Variants in HDAC5 observed in about 807,000 individuals in gnomAD.
HDAC5 encodes the protein histone deacetylase 5.
HDAC5 carries 25 observed loss-of-function variants against 133.3 expected under a neutral mutation model. The observed-to-expected ratio is 0.19, with a 90% CI of 0.14 to 0.26. The LOEUF is 0.26. Among genes scored for constraint, HDAC5 ranks in the 10% least tolerant of loss-of-function variants. HDAC5 has a pLI of 1.00. For missense variants in HDAC5, 1,041 were observed against 1,460.5 expected, an observed-to-expected ratio of 0.71 and a Z score of 4.68; for synonymous variants, 589 against 610.8, an observed-to-expected ratio of 0.96 and a Z score of 0.53.
intron 3 of HDAC5, among the ~76,000 whole-genome samples, chr17:44,108,463 C>CTGGAGG (rs2052110679): frequency 6.6e-6 from 1 of 152,156 alleles, no homozygotes; most frequent in Non-Finnish European, 1.5e-5. Context: ...AAAGATGCTG[C>CTGGAGG]TGGAGGTGGC....
chr17:44,091,598 G>A, intron 10 of HDAC5, 102 bp downstream of exon 10: 1 of 1,494,014 alleles, frequency 6.7e-7, no homozygotes, highest in Non-Finnish European at 9.0e-7. Flanking sequence ...AGGGCCAACA[G>A]ATCTCCCTTA....
chr17:44,077,178 C>T lies in HDAC5; in HGVS notation c.*1198G>A, dbSNP rs2050161034. 1 of 152,684 alleles carries T rather than the reference C, an allele frequency of 6.5e-6. No individual in the cohort carries two copies. Among genetic ancestry groups the T allele is most frequent in the South Asian group, 2.1e-4 (1 of 4,836 alleles). The allele number at this position is 152,684 out of a possible 1,614,324, so 9.5% of individuals were successfully genotyped here. On this transcript the variant is annotated 3_prime_UTR_variant, in exon 27 of 27. Transcript: ENST00000682912. ...AGTCAGCCCCCTAGGAGCCACTTCC[C>T]ATCTTTGGTTTCCTACAGGCTGGAT...
At chr17:44,098,061 G>T (rs1384921258) in intron 3 of HDAC5, among the ~76,000 whole-genome samples, 2 of 152,266 alleles carry the variant, frequency 1.3e-5, no homozygotes, top group African/African-American at 4.8e-5. Context: ...CAGGGACTGG[G>T]TGACATGCAG....
rs112903278 is a variant in HDAC5 at position 44,110,386 on chromosome 17, G to A, written c.94+343C>T. Among the ~76,000 whole-genome samples the A allele has an allele frequency of 1.4e-4, 21 of 152,302 alleles. 1 individual carries two copies. The highest frequency in any genetic ancestry group is 5.8e-4 in the East Asian group (3 of 5,176). ...CTTGGGGAGCGGGCAGCATGGAGGC[G>A]GGTCACTGACCCACTTCCTCCCCTC... On this transcript the variant is annotated intron_variant, in intron 3 of 26. Transcript: ENST00000682912.
chr17:44,094,343 A>G (rs2051124139), intron 3 of HDAC5, among the ~76,000 whole-genome samples: 1 of 150,378 alleles, frequency 6.6e-6, no homozygotes, highest in Non-Finnish European at 1.5e-5. Flanking sequence ...AAAACAAAAA[A>G]CAAAAAGGGG....
chr17:44,108,751 C>CAAAAAAAAA (rs773575696), intron 3 of HDAC5, among the ~76,000 whole-genome samples: 2 of 56,942 alleles, frequency 3.5e-5, no homozygotes, highest in African/African-American at 1.1e-4. Flanking sequence ...TTCCAGAGTC[C>CAAAAAAAAA]AAAAAAAAAA....
Position 44,078,676 on chromosome 17 carries a change from GAGAC to G in HDAC5, c.3164-15_3164-12del. 6.2e-7 allele frequency: 1 copy of G among 1,605,022 alleles called. No homozygotes were observed. The highest frequency in any genetic ancestry group is 8.5e-7 in the Non-Finnish European group (1 of 1,177,224). ...AGCTCCAGTGTTTGCCTGTGGACGAGAGACAGGCAAGGGGTCAGGGAGGGCAGAG... is the reference window on the plus strand; with the variant it reads ...AGCTCCAGTGTTTGCCTGTGGACGAGAGGCAAGGGGTCAGGGAGGGCAGAG... On this transcript the variant is annotated splice_polypyrimidine_tract_variant and intron_variant, in intron 25 of 26. Coordinates refer to ENST00000682912, the MANE Select transcript of HDAC5 (RefSeq NM_005474.5).
intron 1 of HDAC5, 192 bp downstream of exon 1, chr17:44,123,312 A>G (rs2053126978): frequency 3.1e-6 from 1 of 325,018 alleles, no homozygotes; most frequent in Non-Finnish European, 5.6e-6. Context: ...AGCAACCCCG[A>G]TGTCCCGCTC....
At chr17:44,119,563 C>A (rs1000553531) in intron 1 of HDAC5, among the ~76,000 whole-genome samples, 4 of 152,314 alleles carry the variant, frequency 2.6e-5, no homozygotes, top group African/African-American at 9.6e-5. Flanking sequence ...GACTCATCTA[C>A]GTCTACTCCT....
chr17:44,094,700 C>T (rs2051150856), intron 3 of HDAC5, among the ~76,000 whole-genome samples: 1 of 151,810 alleles, frequency 6.6e-6, no homozygotes, highest in African/African-American at 2.4e-5. Context: ...CTACTCGACG[C>T]ATTTTATGTA....
chr17:44,095,553 G>T (rs1451042688), intron 3 of HDAC5, among the ~76,000 whole-genome samples: 2 of 152,180 alleles, frequency 1.3e-5, no homozygotes, highest in African/African-American at 4.8e-5. Context: ...CTCGGGGAAA[G>T]GGGGTGCAGG....
chr17:44,097,693 C>T (rs895844066), intron 3 of HDAC5, among the ~76,000 whole-genome samples: 6 of 152,272 alleles, frequency 3.9e-5, no homozygotes, highest in African/African-American at 1.2e-4. Flanking sequence ...ACCTGCTGCT[C>T]CCGGCAATGC....
At chr17:44,083,421 T>G in intron 18 of HDAC5, 124 bp downstream of exon 18, 1 of 666,508 alleles carries the variant, frequency 1.5e-6, no homozygotes, top group Non-Finnish European at 2.6e-6. Context: ...CCCACCCTGG[T>G]GCCTGAGAGT....
At chr17:44,084,700 G>A (rs944043590) in intron 15 of HDAC5, 25 bp from the exon 16 acceptor site, 3 of 1,612,728 alleles carry the variant, frequency 1.9e-6, no homozygotes, top group Middle Eastern at 1.7e-4. Flanking sequence ...AGTAAGAGGG[G>A]TCACACAAAG....
At chr17:44,092,999 A>G in intron 6 of HDAC5, 93 bp downstream of exon 6, 1 of 882,262 alleles carries the variant, frequency 1.1e-6, no homozygotes, top group Non-Finnish European at 1.7e-6. Context: ...GGGCCCGTAT[A>G]TGGGCACGGG....
chr17:44,109,500 C>T (rs170637), intron 3 of HDAC5, among the ~76,000 whole-genome samples: 89,201 of 152,172 alleles, frequency 0.59, 30,990 homozygotes, highest in South Asian at 0.88. Flanking sequence ...CCCCTATCCT[C>T]GGGGCCTGCA....
At chr17:44,097,058 TAGG>T (rs1315279169) in intron 3 of HDAC5, among the ~76,000 whole-genome samples, 1 of 151,880 alleles carries the variant, frequency 6.6e-6, no homozygotes, top group East Asian at 1.9e-4. Context: ...AGGTGGGAGG[TAGG>T]AGGTGGCAAA....
Position 44,117,383 on chromosome 17 carries a change from T to C in HDAC5, c.22+111A>G. The C allele has an allele frequency of 1.7e-6, 2 of 1,198,872 alleles. No homozygotes were observed. The highest frequency in any genetic ancestry group is 2.5e-6 in the Non-Finnish European group (2 of 801,992). The allele number at this position is 1,198,872 out of a possible 1,614,324, so 74.3% of individuals were successfully genotyped here. On this transcript the variant is annotated intron_variant, in intron 2 of 26. Transcript: ENST00000682912. The surrounding 1 kb of genome is among the most constrained non-coding windows in gnomAD (Gnocchi z 4.2). The stretch of plus-strand genomic sequence containing the variant: ...CACTTCTCCACTCCTTACCCCCTCA[T>C]TCCCTTATAGCTCAGACAGTAAAGG...
rs779835841 is a variant in HDAC5, at chr17:44,086,727, T to G, written c.1895A>C (p.Asp632Ala). The change falls in exon 14 of 27, where the codon GAT becomes GCT. Residue 632 changes from aspartate (D) to alanine (A), a missense_variant. By Grantham distance (126) the Asp-to-Ala change is moderately radical. Coordinates refer to ENST00000682912, the MANE Select transcript of HDAC5 (RefSeq NM_005474.5). ...CTGCAAAGGCTGCAGCGGCTGGGCA[T>G]CTGAGAACAGCTGGAGGGGAGAATG... is the stretch of plus-strand genomic sequence containing the variant. ...PGAGYKKLFSDAQPLQPLQVY... is the reference protein window; with the variant it reads ...PGAGYKKLFSAAQPLQPLQVY... 9 of 1,296,186 alleles carry G rather than the reference T, an allele frequency of 6.9e-6. No individual in the cohort carries two copies. Among genetic ancestry groups the G allele is most frequent in the Non-Finnish European group, 8.9e-6 (9 of 1,015,502 alleles). 80.3% of individuals were successfully genotyped at this position (1,296,186 alleles called of 1,614,324 possible).
Sources: allele counts gnomAD v4.1 joint callset (sites outside exome capture counted in the v4.1 genomes callset), GRCh38; gene constraint gnomAD v4.1.1; non-coding constraint Gnocchi (gnomAD v3.1); transcripts MANE v1.5; gene names NCBI Gene and HGNC (gene_info 2026-07-23, HGNC 2026-07-21).